Variants in ITGA9 observed in about 807,000 individuals in gnomAD.
The protein encoded by ITGA9 is integrin alpha-9.
Under a neutral mutation model 127.8 loss-of-function variants are expected in ITGA9, and 56 were observed. The ratio of observed to expected loss-of-function variants is 0.44; its 90% confidence interval spans 0.35 to 0.55. The LOEUF is 0.55. ITGA9 is among the 20% of genes least tolerant of loss of function. ITGA9 has a pLI of 0.00. For synonymous variants in ITGA9, 508 were observed against 514.5 expected (o/e 0.99, Z 0.17); for missense variants, 1,196 against 1,347.1 (o/e 0.89, Z 1.76).
chr3:37,700,236 G>A (rs1700931385), intron 18 of ITGA9, among the ~76,000 whole-genome samples: 1 of 152,006 alleles, frequency 6.6e-6, no homozygotes, highest in Non-Finnish European at 1.5e-5. Flanking sequence ...CTCCCTCCTT[G>A]GCCTCCCAAA....
intron 18 of ITGA9, among the ~76,000 whole-genome samples, chr3:37,725,814 A>G (rs1159236309): frequency 6.6e-6 from 1 of 152,266 alleles, no homozygotes; most frequent in African/African-American, 2.4e-5. Context: ...TTTACTGGTA[A>G]GGAACTGGAG....
chr3:37,754,896 C>T (rs1186371673), intron 23 of ITGA9, among the ~76,000 whole-genome samples: 2 of 152,170 alleles, frequency 1.3e-5, no homozygotes, highest in African/African-American at 4.8e-5. Flanking sequence ...AGAAAATATG[C>T]ACCTGATACA....
intron 22 of ITGA9, among the ~76,000 whole-genome samples, chr3:37,744,823 A>G (rs1252182350): frequency 6.6e-6 from 1 of 152,278 alleles, no homozygotes; most frequent in East Asian, 1.9e-4. Flanking sequence ...TGAATTTCGT[A>G]TAATTTTCAC....
chr3:37,542,559 T>G lies in ITGA9; in HGVS notation c.1663T>G (p.Cys555Gly). 1 of 1,614,192 alleles carries G rather than the reference T, an allele frequency of 6.2e-7. No individual in the cohort carries two copies. Among genetic ancestry groups the G allele is most frequent in the Non-Finnish European group, 8.5e-7 (1 of 1,180,028 alleles). The change falls in exon 15 of 28, where the codon TGT (cysteine) becomes GGT (glycine). Residue 555 changes from cysteine (C) to glycine (G), a missense_variant. Coordinates refer to ENST00000264741, the MANE Select transcript of ITGA9 (RefSeq NM_002207.3). ...GCAGCTGACTTACATGGAGGAGACG[T>G]GTCGTCACTATGTGGCCCATGTGAA... ...KLQLTYMEETCRHYVAHVKRR... is the reference protein window; with the variant it reads ...KLQLTYMEETGRHYVAHVKRR...
At chr3:37,497,022 A>C (rs1410459825) in intron 5 of ITGA9, among the ~76,000 whole-genome samples, 1 of 152,212 alleles carries the variant, frequency 6.6e-6, no homozygotes, top group African/African-American at 2.4e-5. Context: ...TTTGTTATGA[A>C]AAAACATCTC....
chr3:37,692,408 AGAGAGTGTGTGTGT>A (rs1318992216), intron 18 of ITGA9, among the ~76,000 whole-genome samples: 1 of 137,708 alleles, frequency 7.3e-6, no homozygotes, highest in Non-Finnish European at 1.5e-5. Flanking sequence ...TGAGAGAGAG[AGAGAGTGTGTGTGT>A]GTGTGTGTGT....
intron 15 of ITGA9, among the ~76,000 whole-genome samples, chr3:37,584,572 C>A (rs1290883674): frequency 6.6e-6 from 1 of 151,936 alleles, no homozygotes; most frequent in Non-Finnish European, 1.5e-5. Context: ...CTGGCCAACG[C>A]GATGAAACCC....
At chr3:37,751,408 G>A (rs1696584648) in intron 23 of ITGA9, among the ~76,000 whole-genome samples, 1 of 152,178 alleles carries the variant, frequency 6.6e-6, no homozygotes, top group Non-Finnish European at 1.5e-5. Flanking sequence ...TAACCATGCT[G>A]ACCATGCCAC....
intron 15 of ITGA9, among the ~76,000 whole-genome samples, chr3:37,608,539 A>G (rs192471879): frequency 2.5e-4 from 38 of 152,314 alleles, no homozygotes; most frequent in Admixed American, 4.6e-4. Flanking sequence ...TGTGTGAATC[A>G]TTTTAAACAG....
intron 26 of ITGA9, among the ~76,000 whole-genome samples, chr3:37,800,478 A>G (rs1308483223): frequency 6.6e-6 from 1 of 152,216 alleles, no homozygotes; most frequent in Non-Finnish European, 1.5e-5. Flanking sequence ...AGTTCCTCAC[A>G]GTTCATCTGT....
chr3:37,701,686 G>A (rs922114295), intron 18 of ITGA9, among the ~76,000 whole-genome samples: 3 of 152,204 alleles, frequency 2.0e-5, no homozygotes, highest in African/African-American at 7.2e-5. Context: ...GTCAGCAGGT[G>A]GAGACACAGG....
chr3:37,795,143 G>A (rs763868986), intron 26 of ITGA9, among the ~76,000 whole-genome samples: 16 of 152,296 alleles, frequency 1.1e-4, no homozygotes, highest in Admixed American at 2.0e-4. Flanking sequence ...ACAAGTGTGT[G>A]ATGTTGACTG....
intron 15 of ITGA9, among the ~76,000 whole-genome samples, chr3:37,568,171 T>A (rs1376246847): frequency 6.6e-6 from 1 of 152,232 alleles, no homozygotes; most frequent in Non-Finnish European, 1.5e-5. Context: ...ATTCTTGACT[T>A]TGTGCAAGCT....
chr3:37,760,018 A>G (rs1428585507), intron 23 of ITGA9, among the ~76,000 whole-genome samples: 1 of 151,778 alleles, frequency 6.6e-6, no homozygotes, highest in East Asian at 1.9e-4. Flanking sequence ...TTAGGAGTTC[A>G]AGACCAGCCT....
intron 15 of ITGA9, 70 bp downstream of exon 15, chr3:37,542,655 C>CT: frequency 6.6e-7 from 1 of 1,515,500 alleles, no homozygotes. Context: ...CTGGTGGAAA[C>CT]TATTTTTATT....
chr3:37,795,006 C>T (rs1465274880), intron 26 of ITGA9, among the ~76,000 whole-genome samples: 1 of 152,206 alleles, frequency 6.6e-6, no homozygotes, highest in Non-Finnish European at 1.5e-5. Flanking sequence ...CTGTCTCCCT[C>T]CTCCCTCCCC....
At chr3:37,638,695 A>G (rs1326928100) in intron 16 of ITGA9, among the ~76,000 whole-genome samples, 2 of 152,168 alleles carry the variant, frequency 1.3e-5, no homozygotes, top group Non-Finnish European at 2.9e-5. Flanking sequence ...TGATCTCTTC[A>G]CTGAGCCCAT....
intron 14 of ITGA9, among the ~76,000 whole-genome samples, chr3:37,541,666 A>T (rs878943472): frequency 2.0e-5 from 3 of 152,192 alleles, no homozygotes; most frequent in Admixed American, 2.0e-4. Flanking sequence ...ACCTCAGTAC[A>T]GGCCCTACCG....
At chr3:37,591,768 C>G (rs1302345598) in intron 15 of ITGA9, among the ~76,000 whole-genome samples, 1 of 152,196 alleles carries the variant, frequency 6.6e-6, no homozygotes, top group Non-Finnish European at 1.5e-5. Flanking sequence ...GAACCTGTCT[C>G]TACATTCTAA....
Sources: gnomAD v4.1 joint callset for allele counts (sites outside exome capture counted in the v4.1 genomes callset) on GRCh38, gnomAD v4.1.1 for gene constraint, MANE v1.5 for transcripts, NCBI Gene and HGNC (gene_info 2026-07-23, HGNC 2026-07-21) for gene names.